DUS2: variants seen among roughly 807,000 people sequenced by gnomAD.
DUS2 encodes the protein tRNA-dihydrouridine(20) synthase [NAD(P)+]-like.
In DUS2, 52 loss-of-function variants were observed where a neutral mutation model predicts 71.3. That is an observed-to-expected ratio of 0.73 (90% CI 0.58 to 0.92). The LOEUF is 0.92. DUS2 is among the 40% of genes least tolerant of loss of function. The pLI is 0.00. For missense variants in DUS2, 558 were observed against 622.6 expected (o/e 0.90, Z 1.10); for synonymous variants, 204 against 227.8 (o/e 0.90, Z 0.94).
intron 3 of DUS2, among the ~76,000 whole-genome samples, chr16:68,044,540 C>T (rs1418797912): frequency 6.6e-6 from 1 of 151,720 alleles, no homozygotes; most frequent in Admixed American, 6.6e-5. Context: ...GGACTACAGC[C>T]ATACTCCACC....
In DUS2 at chr16:68,078,754, A is replaced by G. The variant is rs1567484902; in HGVS notation, c.1250A>G (p.Lys417Arg). 2.5e-6 allele frequency: 4 copies of G among 1,606,326 alleles called. No individual in the cohort carries two copies. The highest frequency in any genetic ancestry group is 1.7e-6 in the Non-Finnish European group (2 of 1,174,552). ...ATTGCCCTCTGTCTGCTCAGGGACA[A>G]GTCCAAGAAACTGGCGGAGCAGGCT... is the stretch of plus-strand genomic sequence containing the variant. ...EQKYQSTLWDKSKKLAEQAAA... is the reference protein window; with the variant it reads ...EQKYQSTLWDRSKKLAEQAAA... Residue 417 changes from lysine (K) to arginine (R), a missense_variant, in exon 17 of 17, where the codon AAG (lysine) becomes AGG (arginine). Physicochemically the swap from Lys to Arg is conservative, Grantham distance 26. Coordinates refer to ENST00000565263, the MANE Select transcript of DUS2 (RefSeq NM_017803.5).
chr16:68,038,779 G>A (rs1248415947), intron 3 of DUS2, among the ~76,000 whole-genome samples: 1 of 150,824 alleles, frequency 6.6e-6, no homozygotes, highest in Non-Finnish European at 1.5e-5. Context: ...GCTGGGCGTG[G>A]TAGCTCATGC....
At chr16:68,077,689 C>G (rs1206416066) in intron 15 of DUS2, among the ~76,000 whole-genome samples, 1 of 152,214 alleles carries the variant, frequency 6.6e-6, no homozygotes, top group Non-Finnish European at 1.5e-5. Context: ...GCACTTGGCC[C>G]AGACATGTTT....
chr16:68,071,613 G>A (rs1241638712), intron 12 of DUS2, among the ~76,000 whole-genome samples: 2 of 151,098 alleles, frequency 1.3e-5, no homozygotes, highest in Non-Finnish European at 2.9e-5. Context: ...AATGCTTTAA[G>A]CATAACCCTC....
chr16:68,039,901 G>A (rs957788490), intron 3 of DUS2, among the ~76,000 whole-genome samples: 1 of 152,120 alleles, frequency 6.6e-6, no homozygotes, highest in African/African-American at 2.4e-5. Context: ...TACCCCTTCA[G>A]TTAAGGGAGG....
At chr16:68,053,066 G>A (rs1177594385) in intron 4 of DUS2, among the ~76,000 whole-genome samples, 5 of 151,626 alleles carry the variant, frequency 3.3e-5, no homozygotes, top group African/African-American at 7.3e-5. Context: ...AGATTCAAGC[G>A]ATTCTCCTGC....
intron 8 of DUS2, 56 bp from the exon 9 acceptor site, chr16:68,066,261 C>A: frequency 1.3e-6 from 2 of 1,525,566 alleles, no homozygotes; most frequent in Admixed American, 1.7e-5. Context: ...TTAGTACAGG[C>A]AGAGTGATGG....
intron 2 of DUS2, among the ~76,000 whole-genome samples, chr16:68,029,173 C>G (rs142079717): frequency 0.013 from 1,903 of 151,324 alleles, 40 homozygotes; most frequent in African/African-American, 0.043. Context: ...CCGCTGCACT[C>G]CAGCCTGGGC....
chr16:68,049,873 C>T (rs918950499), intron 4 of DUS2, among the ~76,000 whole-genome samples: 5 of 152,170 alleles, frequency 3.3e-5, no homozygotes, highest in African/African-American at 1.2e-4. Context: ...GATGTGTGAC[C>T]TTGGGCAGGC....
chr16:68,041,716 A>G (rs61035494), intron 3 of DUS2, among the ~76,000 whole-genome samples: 1,986 of 151,812 alleles, frequency 0.013, 42 homozygotes, highest in African/African-American at 0.045. Context: ...GGAGGTTGAG[A>G]CAAGAGAATC....
intron 13 of DUS2, among the ~76,000 whole-genome samples, chr16:68,074,810 C>T (rs1052075911): frequency 6.6e-5 from 10 of 152,210 alleles, no homozygotes; most frequent in Admixed American, 3.9e-4. Context: ...CAAGATGTTT[C>T]CTAGAAGGGA....
At position 68,058,477 on chromosome 16, in the gene DUS2, C is replaced by T. The variant is rs186003197; in HGVS notation, c.369+2053C>T. Among the ~76,000 whole-genome samples the T allele has an allele frequency of 2.9e-3, 437 of 152,152 alleles. 1 individual carries two copies. The highest frequency in any genetic ancestry group is 9.7e-3 in the African/African-American group (401 of 41,500). ...GCCTGACCTCGTGATCCACCTGCCT[C>T]GGCCTCCCAAAGTGCAGGGATTACA... On this transcript the variant is annotated intron_variant, in intron 7 of 16. Coordinates refer to ENST00000565263, the MANE Select transcript of DUS2 (RefSeq NM_017803.5).
At chr16:68,057,079 TATATA>T (rs201866336) in intron 7 of DUS2, among the ~76,000 whole-genome samples, 17,226 of 138,598 alleles carry the variant, frequency 0.12, 1,171 homozygotes, top group South Asian at 0.19. Context: ...ATGTTATAAA[TATATA>T]ATATATAATT....
chr16:68,030,413 G>C (rs533396843), intron 2 of DUS2, among the ~76,000 whole-genome samples: 1 of 152,000 alleles, frequency 6.6e-6, no homozygotes, highest in Admixed American at 6.6e-5. Context: ...GGCCAACATG[G>C]TGAAACCCCG....
intron 2 of DUS2, among the ~76,000 whole-genome samples, chr16:68,032,024 TAGA>T (rs2033448212): frequency 6.6e-6 from 1 of 152,108 alleles, no homozygotes; most frequent in Admixed American, 6.6e-5. Context: ...TTGAGCGTAA[TAGA>T]GGAGACCAGC....
chr16:68,062,201 G>T (rs2033949546), intron 8 of DUS2, among the ~76,000 whole-genome samples: 1 of 151,796 alleles, frequency 6.6e-6, no homozygotes, highest in Non-Finnish European at 1.5e-5. Context: ...AGTAGAGATG[G>T]GGTTTTGTCA....
intron 3 of DUS2, among the ~76,000 whole-genome samples, chr16:68,039,466 T>G (rs1189151167): frequency 6.6e-6 from 1 of 152,056 alleles, no homozygotes; most frequent in African/African-American, 2.4e-5. Flanking sequence ...TCGCCCAGGC[T>G]GGAGTGCAGT....
intron 6 of DUS2, among the ~76,000 whole-genome samples, chr16:68,055,667 G>A (rs959079156): frequency 2.6e-5 from 4 of 151,950 alleles, no homozygotes; most frequent in Non-Finnish European, 4.4e-5. Context: ...GCCTGTAAAT[G>A]TCTTTGCAGC....
At chr16:68,065,264 A>C (rs538327124) in intron 8 of DUS2, among the ~76,000 whole-genome samples, 2 of 152,188 alleles carry the variant, frequency 1.3e-5, no homozygotes, top group East Asian at 3.9e-4. Flanking sequence ...GACTGCCCTA[A>C]AGAGGAATGC....
Sources: allele counts gnomAD v4.1 joint callset (sites outside exome capture counted in the v4.1 genomes callset), GRCh38; gene constraint gnomAD v4.1.1; transcripts MANE v1.5; gene names NCBI Gene and HGNC (gene_info 2026-07-23, HGNC 2026-07-21).